Variants in MAPK10 observed in about 807,000 individuals in gnomAD.
The protein encoded by MAPK10 is JNK3 alpha protein kinase.
In MAPK10, 25 loss-of-function variants were observed where a neutral mutation model predicts 59.3. The ratio of observed to expected loss-of-function variants is 0.42; its 90% CI spans 0.31 to 0.59. MAPK10 has a LOEUF of 0.59. Among genes scored for constraint, MAPK10 ranks in the 20% least tolerant of loss-of-function variants. The pLI is 0.15. For synonymous variants in MAPK10, 190 were observed against 200.5 expected, an observed-to-expected ratio of 0.95 and a Z score of 0.44; for missense variants, 351 against 568.9, an observed-to-expected ratio of 0.62 and a Z score of 3.90.
chr4:86,585,291 C>T (rs1403400872), intron 1 of MAPK10, among the ~76,000 whole-genome samples: 2 of 152,096 alleles, frequency 1.3e-5, no homozygotes, highest in East Asian at 3.8e-4. Context: ...TATGGAAAGA[C>T]AAATCATTGC....
At chr4:86,031,224 A>C in intron 12 of MAPK10, 144 bp downstream of exon 12, 1 of 626,380 alleles carries the variant, frequency 1.6e-6, no homozygotes, top group East Asian at 2.8e-5. Flanking sequence ...AAGACAGATG[A>C]AGTTTTAGGA....
chr4:86,410,943 C>T (rs1161313869), intron 1 of MAPK10, among the ~76,000 whole-genome samples: 2 of 152,122 alleles, frequency 1.3e-5, no homozygotes, highest in Non-Finnish European at 1.5e-5. Context: ...CTTCTGCTAG[C>T]TTTTCAATGC....
chr4:86,020,818 C>A, intron 13 of MAPK10: 1 of 154,130 alleles, frequency 6.5e-6, no homozygotes, highest in Non-Finnish European at 1.4e-5. Context: ...GTGAGTGTTA[C>A]AGCTCATAAA....
At chr4:86,220,172 A>T (rs1294088337) in intron 2 of MAPK10, among the ~76,000 whole-genome samples, 1 of 152,200 alleles carries the variant, frequency 6.6e-6, no homozygotes, top group Non-Finnish European at 1.5e-5. Flanking sequence ...GTTAAGCTAT[A>T]TAATCTTAGT....
chr4:86,465,248 C>G (rs926891067), intron 1 of MAPK10, among the ~76,000 whole-genome samples: 4 of 152,162 alleles, frequency 2.6e-5, no homozygotes, highest in African/African-American at 9.7e-5. Context: ...TTAAATGTCA[C>G]CTTTTGCAGT....
chr4:86,111,255 A>G (rs1339503338), intron 4 of MAPK10, among the ~76,000 whole-genome samples: 2 of 152,094 alleles, frequency 1.3e-5, no homozygotes, highest in African/African-American at 4.8e-5. Context: ...CAGAATTTCC[A>G]TTACTATGTT....
intron 1 of MAPK10, among the ~76,000 whole-genome samples, chr4:86,588,487 T>C (rs1762788162): frequency 1.3e-5 from 2 of 152,346 alleles, no homozygotes; most frequent in East Asian, 1.9e-4. Context: ...TCATACTATA[T>C]GGCAACTTGA....
intron 1 of MAPK10, among the ~76,000 whole-genome samples, chr4:86,389,267 GATCCTGCC>G (rs1166584114): frequency 2.0e-5 from 3 of 152,146 alleles, no homozygotes; most frequent in Admixed American, 6.5e-5. Context: ...CCCAGATGCA[GATCCTGCC>G]ATGCTGCCCG....
chr4:86,371,025 G>A (rs2148993055), intron 1 of MAPK10: 1 of 152,206 alleles, frequency 6.6e-6, no homozygotes, highest in South Asian at 2.1e-4. Context: ...GAAAGCAGTG[G>A]AATATCTTCA....
chr4:86,026,366 TTCAGGAAGCAAGCAGCTA>T (rs981692345), intron 13 of MAPK10: 1 of 152,172 alleles, frequency 6.6e-6, no homozygotes, highest in Non-Finnish European at 1.5e-5. Flanking sequence ...TACAGATCAA[TTCAGGAAGCAAGCAGCTA>T]TGCCATCCTT....
chr4:86,096,010 A>C (rs1395826609), intron 9 of MAPK10, among the ~76,000 whole-genome samples: 1 of 151,748 alleles, frequency 6.6e-6, no homozygotes, highest in East Asian at 1.9e-4. Flanking sequence ...GTCTTTATGC[A>C]ATTTTTTTTA....
At chr4:86,029,945 T>C (rs1442333830) in intron 12 of MAPK10, among the ~76,000 whole-genome samples, 1 of 148,134 alleles carries the variant, frequency 6.8e-6, no homozygotes, top group African/African-American at 2.6e-5. Context: ...TAGAGTTAAA[T>C]TGGATAGTTT....
chr4:86,293,872 A>G (rs1462551647), intron 2 of MAPK10, among the ~76,000 whole-genome samples: 3 of 152,170 alleles, frequency 2.0e-5, no homozygotes, highest in Non-Finnish European at 4.4e-5. Flanking sequence ...GCCTCTATCT[A>G]AACACCTCCC....
At chr4:86,544,892 T>C (rs1054809365) in intron 1 of MAPK10, among the ~76,000 whole-genome samples, 3 of 152,086 alleles carry the variant, frequency 2.0e-5, no homozygotes, top group African/African-American at 7.2e-5. Context: ...TTTTTTTTTT[T>C]TTCACTATTT....
chr4:86,284,414 T>G (rs147535290), intron 2 of MAPK10, among the ~76,000 whole-genome samples: 1 of 152,190 alleles, frequency 6.6e-6, no homozygotes, highest in African/African-American at 2.4e-5. Flanking sequence ...TTTCATTTAT[T>G]CCTCTGAACG....
chr4:86,548,194 C>G (rs1000977116), intron 1 of MAPK10, among the ~76,000 whole-genome samples: 2 of 152,092 alleles, frequency 1.3e-5, no homozygotes, highest in Non-Finnish European at 2.9e-5. Context: ...CACGAACCCA[C>G]CGGGAGGAAC....
chr4:86,346,953 T>C (rs1455920276), intron 2 of MAPK10, among the ~76,000 whole-genome samples: 1 of 152,114 alleles, frequency 6.6e-6, no homozygotes, highest in Non-Finnish European at 1.5e-5. Flanking sequence ...AAGATTTATA[T>C]ATATCTTAAT....
At chr4:86,465,380 T>A (rs1322036871) in intron 1 of MAPK10, among the ~76,000 whole-genome samples, 1 of 152,204 alleles carries the variant, frequency 6.6e-6, no homozygotes, top group Non-Finnish European at 1.5e-5. Flanking sequence ...GTATCACATA[T>A]AATTCTCAAG....
intron 2 of MAPK10, among the ~76,000 whole-genome samples, chr4:86,251,186 T>A (rs955452548): frequency 3.3e-5 from 5 of 152,028 alleles, no homozygotes; most frequent in African/African-American, 7.2e-5. Context: ...TTTATTTTTT[T>A]AATTATACTT....
Sources: allele counts gnomAD v4.1 joint callset (sites outside exome capture counted in the v4.1 genomes callset), GRCh38; gene constraint gnomAD v4.1.1; transcripts MANE v1.5; gene names NCBI Gene and HGNC (gene_info 2026-07-23, HGNC 2026-07-21).